The following SLC2A7 variants were observed in gnomAD, a reference collection of about 807,000 sequenced individuals.
SLC2A7 encodes the protein solute carrier family 2 member 7, also known as solute carrier family 2, facilitated glucose transporter member 7.
In SLC2A7, 50 loss-of-function variants were observed where a neutral mutation model predicts 50.5. That is an observed-to-expected ratio of 0.99 (90% CI 0.79 to 1.25). SLC2A7 has a LOEUF of 1.25. Among genes scored for constraint, SLC2A7 ranks in the 50% most tolerant of loss-of-function variants. SLC2A7 has a pLI of 0.00. For synonymous variants in SLC2A7, 308 were observed against 300.4 expected (o/e 1.03, Z -0.26); for missense variants, 683 against 679.1 (o/e 1.01, Z -0.06).
At chr1:9,017,239 G>A (rs1640843237) in intron 5 of SLC2A7, among the ~76,000 whole-genome samples, 1 of 152,178 alleles carries the variant, frequency 6.6e-6, no homozygotes, top group Non-Finnish European at 1.5e-5. Flanking sequence ...AGAACTGCTT[G>A]AACCCGGGAA....
downstream of SLC2A7, among the ~76,000 whole-genome samples, chr1:9,002,595 C>A (rs958461984): frequency 6.6e-6 from 1 of 152,224 alleles, no homozygotes; most frequent in African/African-American, 2.4e-5. Flanking sequence ...AGTCCTGCCA[C>A]ATCCCCCTCA....
At position 9,003,032 on chromosome 1, in the gene SLC2A7, G is replaced by A. The variant is rs1283029309; in HGVS notation, c.*268C>T. 6.6e-6 allele frequency among the ~76,000 whole-genome samples: 1 copy of A among 152,172 alleles called. No homozygotes were observed. The highest frequency in any genetic ancestry group is 1.5e-5 in the Non-Finnish European group (1 of 68,034). On this transcript the variant is annotated 3_prime_UTR_variant, in exon 12 of 12. Transcript: ENST00000400906. ...GCATCTATACATCATTTAAATTTTG[G>A]TGCCAATGTAGAATCGGAAAATCGA...
Position 9,007,451 on chromosome 1 carries a change from C to T in SLC2A7, c.1117-66G>A, listed in dbSNP as rs537739858. 213 of 1,476,206 alleles carry T rather than the reference C, an allele frequency of 1.4e-4. No homozygotes were observed. The East Asian group carries it at 1.8e-3, about 13-fold the overall frequency. The allele number at this position is 1,476,206 out of a possible 1,614,324, so 91.4% of individuals were successfully genotyped here. A position where few individuals can be genotyped will look rare whatever the true frequency, so the allele number is the denominator to read the frequency against. On this transcript the variant is annotated intron_variant, in intron 9 of 11. Transcript: ENST00000400906. The stretch of plus-strand genomic sequence containing the variant: ...CCCCACGTGCGGGGGGGTCCACCTG[C>T]GGGTCCCACCTTCCTGCCCCAGGGA...
chr1:9,022,081 CATTA>C (rs1396712045), intron 3 of SLC2A7, among the ~76,000 whole-genome samples: 1 of 152,218 alleles, frequency 6.6e-6, no homozygotes, highest in Non-Finnish European at 1.5e-5. Flanking sequence ...ATGAATCTTG[CATTA>C]ATTAATAGAT....
chr1:8,997,241 G>A, the SLC2A7 span, among the ~76,000 whole-genome samples: 3 of 152,034 alleles, frequency 2.0e-5, no homozygotes, highest in Admixed American at 2.0e-4. Context: ...AGGAGTTTGA[G>A]GCTGCAGTGA....
At chr1:9,005,808 A>G (rs886736719) in intron 10 of SLC2A7, among the ~76,000 whole-genome samples, 3 of 151,788 alleles carry the variant, frequency 2.0e-5, no homozygotes, top group South Asian at 2.1e-4. Context: ...AAAGAAGGAA[A>G]AAAAGAAAAG....
At position 9,015,791 on chromosome 1, in the gene SLC2A7, A is replaced by G. The variant is rs184919594; in HGVS notation, c.590-549T>C. Among the ~76,000 whole-genome samples the G allele has an allele frequency of 2.3e-3, 338 of 149,694 alleles. 1 individual carries two copies. Among genetic ancestry groups the G allele is most frequent in the Non-Finnish European group, 1.8e-4 (12 of 67,716 alleles). On this transcript the variant is annotated intron_variant, in intron 5 of 11. Coordinates refer to ENST00000400906, the MANE Select transcript of SLC2A7 (RefSeq NM_207420.3). ...CAAGCCGAAGTGCAATGGTGCGATC[A>G]TAGCCCACTGCAACCTCAATCTCCC...
In SLC2A7 at chr1:9,007,327, C is replaced by T. The variant is rs1238770119; in HGVS notation, c.1175G>A (p.Gly392Glu). ...GTACTCACTGGGCCCAATGGAATGT[C>T]CCGCGATGTAGGCAAAGACACAGAT... ...GIICVFAYIA[G>E]HSIGPSPVPS... Residue 392 changes from glycine (G) to glutamate (E), a missense_variant, in exon 10 of 12, where the codon GGA (glycine) becomes GAA (glutamate). Transcript: ENST00000400906. The T allele has an allele frequency of 1.9e-6, 3 of 1,614,208 alleles. No individual in the cohort carries two copies. The highest frequency in any genetic ancestry group is 2.2e-5 in the East Asian group (1 of 44,882).
chr1:9,015,685 C>T (rs1640819826), intron 5 of SLC2A7, among the ~76,000 whole-genome samples: 1 of 151,580 alleles, frequency 6.6e-6, no homozygotes. Context: ...CTCCGTCTGC[C>T]TCCCACCCCT....
rs1569795851 is a variant in SLC2A7 at position 9,014,607 on chromosome 1, G to A, written c.903+74C>T. The A allele has an allele frequency of 2.0e-6, 3 of 1,523,886 alleles. No individual in the cohort carries two copies. In the South Asian group the frequency reaches 3.6e-5, roughly 18 times the overall value. 94.4% of individuals were successfully genotyped at this position (1,523,886 alleles called of 1,614,324 possible). ...ACTGCCAGGCCAGGCCTCTGTGGGTGGAACTGTGTGTTGCTATCCATGAAG... is the reference window on the plus strand; with the variant it reads ...ACTGCCAGGCCAGGCCTCTGTGGGTAGAACTGTGTGTTGCTATCCATGAAG... On this transcript the variant is annotated intron_variant, in intron 7 of 11. Transcript: ENST00000400906.
At chr1:9,000,891 C>T (rs1347686734), downstream of SLC2A7, among the ~76,000 whole-genome samples, 1 of 151,896 alleles carries the variant, frequency 6.6e-6, no homozygotes, top group African/African-American at 2.4e-5. Flanking sequence ...CGATCAGAAG[C>T]GGAAGAAGCC....
rs113232623 is a variant in SLC2A7 at position 9,020,023 on chromosome 1, T to G, written c.312-690A>C. 3.2e-4 allele frequency among the ~76,000 whole-genome samples: 48 copies of G among 152,348 alleles called. 1 individual carries two copies. The highest frequency in any genetic ancestry group is 7.2e-4 in the Admixed American group (11 of 15,306). ...CCAGGAAACAGATCTGCTGGTACCT[T>G]GATCTTGAATTTCTATCCTGCAGAA... is the stretch of plus-strand genomic sequence containing the variant. On this transcript the variant is annotated intron_variant, in intron 3 of 11. Coordinates refer to ENST00000400906, the MANE Select transcript of SLC2A7 (RefSeq NM_207420.3).
chr1:9,021,441 C>A (rs1158683974), intron 3 of SLC2A7, among the ~76,000 whole-genome samples: 1 of 152,212 alleles, frequency 6.6e-6, no homozygotes, highest in Non-Finnish European at 1.5e-5. Flanking sequence ...TCACACTTTG[C>A]ACACATCTTT....
chr1:9,014,793 C>T lies in SLC2A7; in HGVS notation c.791G>A (p.Arg264His), dbSNP rs749385393. Residue 264 changes from arginine (R) to histidine (H), a missense_variant, in exon 7 of 12, where the codon CGC (arginine) becomes CAC (histidine). Transcript: ENST00000400906. The part of the protein sequence containing the change: ...EDMRAEARAE[R>H]AEGHLSVLHL... The stretch of plus-strand genomic sequence containing the variant: ...CAGCACAGACAGGTGGCCCTCGGCG[C>T]GCTCGGCCCGGGCCTCCGCACGCAT... The T allele has an allele frequency of 1.7e-5, 27 of 1,601,806 alleles. No homozygotes were observed. Among genetic ancestry groups the T allele is most frequent in the South Asian group, 1.6e-4 (14 of 89,048 alleles).
Position 9,007,313 on chromosome 1 carries a change from G to T in SLC2A7, c.1189C>A (p.Pro397Thr). ...FAYIAGHSIG[P>T]SPVPSVVRTE... ...AGGGAGGCGTGCAGGTACTCACTGG[G>T]CCCAATGGAATGTCCCGCGATGTAG... The change falls in exon 10 of 12, where the codon CCC becomes ACC. Residue 397 changes from proline to threonine, a missense_variant. Transcript: ENST00000400906. 1 of 1,614,194 alleles carries T rather than the reference G, an allele frequency of 6.2e-7. No individual in the cohort carries two copies. Among genetic ancestry groups the T allele is most frequent in the Non-Finnish European group, 8.5e-7 (1 of 1,180,006 alleles).
chr1:9,022,829 C>T, intron 3 of SLC2A7, 89 bp downstream of exon 3: 2 of 1,524,356 alleles, frequency 1.3e-6, no homozygotes, highest in Non-Finnish European at 1.8e-6. Context: ...TTCAGGGTCA[C>T]ACGTCTCCCC....
intron 5 of SLC2A7, among the ~76,000 whole-genome samples, chr1:9,015,694 C>G (rs1251185409): frequency 6.6e-6 from 1 of 151,508 alleles, no homozygotes; most frequent in Non-Finnish European, 1.5e-5. Flanking sequence ...CCTCCCACCC[C>G]TGCTGGTATG....
intron 7 of SLC2A7, 40 bp downstream of exon 7, chr1:9,014,641 T>G (rs745938213): frequency 9.0e-6 from 14 of 1,547,394 alleles, no homozygotes; most frequent in Admixed American, 6.0e-5. Flanking sequence ...AGCCTGGGTC[T>G]GCTTCATCTG....
chr1:9,013,427 G>T, intron 8 of SLC2A7, 98 bp downstream of exon 8: 1 of 975,512 alleles, frequency 1.0e-6, no homozygotes, highest in African/African-American at 1.6e-5. Context: ...CCCAGGACCA[G>T]GGCCACCAGC....
Sources: allele counts gnomAD v4.1 joint callset (sites outside exome capture counted in the v4.1 genomes callset), GRCh38; gene constraint gnomAD v4.1.1; transcripts MANE v1.5; gene names NCBI Gene and HGNC (gene_info 2026-07-23, HGNC 2026-07-21).